RBFOX1: variants seen among roughly 807,000 people sequenced by gnomAD.
RBFOX1 encodes the protein RNA binding protein fox-1 homolog 1.
A neutral mutation model predicts 57.7 loss-of-function variants in RBFOX1; 8 were observed. The ratio of observed to expected loss-of-function variants is 0.14; its 90% CI spans 0.08 to 0.25. The LOEUF (loss-of-function observed/expected upper bound fraction) is 0.25. RBFOX1 is among the 10% of genes least tolerant of loss of function. RBFOX1 has a pLI of 1.00. For missense variants in RBFOX1, 611 were observed against 548.5 expected (o/e 1.11, Z -1.14); for synonymous variants, 326 against 222.4 (o/e 1.47, Z -4.15).
At chr16:5,764,024 G>A (rs903556657) in intron 3 of RBFOX1, among the ~76,000 whole-genome samples, 2 of 152,090 alleles carry the variant, frequency 1.3e-5, no homozygotes, top group South Asian at 2.1e-4. Flanking sequence ...ATTCATTGCT[G>A]TACCCCCGTG....
At chr16:5,367,602 C>T (rs938694250) in intron 1 of RBFOX1, among the ~76,000 whole-genome samples, 1 of 152,222 alleles carries the variant, frequency 6.6e-6, no homozygotes, top group African/African-American at 2.4e-5. Context: ...CTTACTGGTA[C>T]TGGGCGTAAC....
At chr16:7,150,761 C>T (rs767771362) in intron 4 of RBFOX1, among the ~76,000 whole-genome samples, 2 of 152,176 alleles carry the variant, frequency 1.3e-5, no homozygotes, top group Non-Finnish European at 2.9e-5. Context: ...ATAGAACCAG[C>T]AGTGTTCACT....
intron 2 of RBFOX1, among the ~76,000 whole-genome samples, chr16:6,354,788 CA>C (rs530847335): frequency 1.2e-4 from 18 of 152,122 alleles, no homozygotes; most frequent in Non-Finnish European, 2.1e-4. Context: ...CAGTGTTTAA[CA>C]AAAATTCATG....
At chr16:5,740,822 C>A (rs1310032996) in intron 3 of RBFOX1, among the ~76,000 whole-genome samples, 1 of 152,114 alleles carries the variant, frequency 6.6e-6, no homozygotes, top group African/African-American at 2.4e-5. Context: ...TTTAGTATGT[C>A]TTGTGGCGTC....
At chr16:6,925,467 T>TATTTATTC (rs1451189977) in intron 3 of RBFOX1, among the ~76,000 whole-genome samples, 2 of 151,496 alleles carry the variant, frequency 1.3e-5, no homozygotes, top group African/African-American at 4.9e-5. Context: ...TTTATTTATT[T>TATTTATTC]ATTTATTTAT....
At chr16:7,576,438 T>C (rs939599441) in intron 5 of RBFOX1, among the ~76,000 whole-genome samples, 16 of 152,160 alleles carry the variant, frequency 1.1e-4, no homozygotes, top group African/African-American at 3.1e-4. Context: ...TTCCTAACAC[T>C]CTTCTTTTTC....
chr16:5,363,054 G>A (rs565811319), intron 1 of RBFOX1, among the ~76,000 whole-genome samples: 4 of 110,968 alleles, frequency 3.6e-5, no homozygotes, highest in African/African-American at 1.5e-4. Flanking sequence ...TTTTTTTTGA[G>A]ATGGAGTATC....
intron 4 of RBFOX1, among the ~76,000 whole-genome samples, chr16:5,904,194 C>T (rs2058382804): frequency 6.6e-6 from 1 of 152,028 alleles, no homozygotes; most frequent in African/African-American, 2.4e-5. Context: ...GTGATTAGAT[C>T]CTGCCCGCTC....
chr16:7,610,666 G>A (rs1016403186), intron 10 of RBFOX1, among the ~76,000 whole-genome samples: 3 of 152,208 alleles, frequency 2.0e-5, no homozygotes, highest in South Asian at 2.1e-4. Flanking sequence ...ATTCAGAAAT[G>A]TGGGGACATG....
rs2096875233 is a variant in RBFOX1 at position 6,544,975 on chromosome 16, G to C, written c.-63-109628G>C. ...TTAGGCAAAGGGTGATTAAGCATAG[G>C]TTATTCAGTTTAAACTAATAAATCT... is the stretch of plus-strand genomic sequence containing the variant. On this transcript the variant is annotated intron_variant, in intron 2 of 15. Coordinates refer to ENST00000550418, the MANE Select transcript of RBFOX1 (RefSeq NM_018723.4). 3.3e-5 allele frequency among the ~76,000 whole-genome samples: 5 copies of C among 152,168 alleles called. No homozygotes were observed. In the South Asian group the frequency reaches 1.0e-3, roughly 32 times the overall value.
chr16:7,630,822 A>G (rs1474809116), intron 11 of RBFOX1, 139 bp downstream of exon 11: 11 of 1,457,328 alleles, frequency 7.5e-6, no homozygotes, highest in Non-Finnish European at 9.9e-6. Context: ...TAATTTTCAT[A>G]AGCATGTCTG....
At chr16:6,717,908 A>G (rs2154158343) in intron 3 of RBFOX1, among the ~76,000 whole-genome samples, 1 of 152,294 alleles carries the variant, frequency 6.6e-6, no homozygotes. Flanking sequence ...CAAGGATCCT[A>G]TACTGGGATA....
intron 3 of RBFOX1, among the ~76,000 whole-genome samples, chr16:5,812,163 T>A (rs7342717): frequency 0.7 from 105,901 of 152,128 alleles, 37,085 homozygotes; most frequent in African/African-American, 0.75. Flanking sequence ...GTATGGATAG[T>A]GACTACATTG....
At chr16:6,324,475 A>C (rs2082150951) in intron 2 of RBFOX1, among the ~76,000 whole-genome samples, 1 of 152,202 alleles carries the variant, frequency 6.6e-6, no homozygotes, top group Non-Finnish European at 1.5e-5. Context: ...CAGTTATGGC[A>C]GAAGGCAGAA....
chr16:7,003,764 A>C (rs1006261356), intron 3 of RBFOX1, among the ~76,000 whole-genome samples: 3 of 152,170 alleles, frequency 2.0e-5, no homozygotes, highest in Non-Finnish European at 2.9e-5. Context: ...ATGCACATCA[A>C]GTCTAATTTT....
chr16:5,535,245 A>G (rs4786699), intron 2 of RBFOX1, among the ~76,000 whole-genome samples: 47,595 of 152,094 alleles, frequency 0.31, 7,942 homozygotes, highest in Non-Finnish European at 0.36. Context: ...ACTGCAATGA[A>G]CAGCTCATCA....
At chr16:5,658,110 C>T (rs896208085) in intron 3 of RBFOX1, among the ~76,000 whole-genome samples, 3 of 152,126 alleles carry the variant, frequency 2.0e-5, no homozygotes, top group African/African-American at 7.2e-5. Flanking sequence ...TCTGTGGCTA[C>T]AAGTCAGTTG....
At chr16:5,295,907 G>A (rs991500153) in intron 1 of RBFOX1, among the ~76,000 whole-genome samples, 1 of 152,216 alleles carries the variant, frequency 6.6e-6, no homozygotes, top group African/African-American at 2.4e-5. Flanking sequence ...CTCTAGGACT[G>A]TAGTGCATAT....
At chr16:7,355,231 C>G (rs1212558702) in intron 4 of RBFOX1, among the ~76,000 whole-genome samples, 1 of 152,190 alleles carries the variant, frequency 6.6e-6, no homozygotes, top group East Asian at 1.9e-4. Context: ...CTTCTAACCT[C>G]TACTTTTTCC....
Sources: allele counts gnomAD v4.1 joint callset (sites outside exome capture counted in the v4.1 genomes callset), GRCh38; gene constraint gnomAD v4.1.1; transcripts MANE v1.5; gene names NCBI Gene and HGNC (gene_info 2026-07-23, HGNC 2026-07-21).